Variants in TUT7 observed in about 807,000 individuals in gnomAD.
The protein encoded by TUT7 is terminal uridylyltransferase 7.
A neutral mutation model predicts 165.9 loss-of-function variants in TUT7; 33 were observed. That is an observed-to-expected ratio of 0.20 (90% CI 0.15 to 0.27). The LOEUF (loss-of-function observed/expected upper bound fraction) is 0.27. TUT7 is among the 10% of genes least tolerant of loss of function. The probability of loss-of-function intolerance (pLI) is 1.00; values close to 1 mark genes in which losing one functional copy is unlikely to be tolerated. For synonymous variants in TUT7, 552 were observed against 608.1 expected (o/e 0.91, Z 1.36); for missense variants, 1,338 against 1,762.3 (o/e 0.76, Z 4.31).
At position 86,311,672 on chromosome 9, in the gene TUT7, C is replaced by T. The variant is rs928557236; in HGVS notation, c.3275-863G>A. Among the ~76,000 whole-genome samples the T allele has an allele frequency of 3.0e-5, 3 of 98,694 alleles. No individual in the cohort carries two copies. Among genetic ancestry groups the T allele is most frequent in the South Asian group, 6.8e-4 (2 of 2,924 alleles). 64.7% of individuals were successfully genotyped at this position (98,694 alleles called of 152,430 possible). On this transcript the variant is annotated intron_variant, in intron 17 of 26. Transcript: ENST00000375963. This position sits in a 1 kb window ranked among gnomAD's most constrained non-coding sequence, Gnocchi z 4.4. ...TGCCGGTCTCCCTCTGATGCCGAGC[C>T]GAAGCTGGACTGTACCGCTGCCATC...
At position 86,352,721 on chromosome 9, in the gene TUT7, G is replaced by C. The variant is rs201566816; in HGVS notation, c.479C>G (p.Thr160Arg). ...CATTTCTGACGTGGTTTCTAGGCTT[G>C]TTAGGTCTTTATGAAACAGTCGTCT... is the stretch of plus-strand genomic sequence containing the variant. Reference protein sequence around the residue: ...TVRRLFHKDLTSLETTSEMEA... With the variant: ...TVRRLFHKDLRSLETTSEMEA... The change falls in exon 2 of 27, where the codon ACA (threonine) becomes AGA (arginine). Residue 160 changes from threonine to arginine, a missense_variant. Thr to Arg is a moderately conservative substitution (Grantham distance 71). Transcript: ENST00000375963. 3.7e-6 allele frequency: 6 copies of C among 1,614,174 alleles called. No homozygotes were observed. Among genetic ancestry groups the C allele is most frequent in the Non-Finnish European group, 5.1e-6 (6 of 1,180,030 alleles).
chr9:86,295,227 A>G (rs1262348894), intron 26 of TUT7, among the ~76,000 whole-genome samples: 4 of 152,212 alleles, frequency 2.6e-5, no homozygotes, highest in African/African-American at 4.8e-5. Flanking sequence ...TGCCTGTTAA[A>G]GAAGAGCTGA....
chr9:86,296,625 A>G (rs1587847498), intron 26 of TUT7, among the ~76,000 whole-genome samples: 2 of 152,244 alleles, frequency 1.3e-5, no homozygotes, highest in African/African-American at 4.8e-5. Context: ...TTAGCACCCT[A>G]TGAGATAAAC....
rs148091829 is a variant in TUT7 at position 86,322,467 on chromosome 9, C to A, written c.2886G>T (p.Thr962=). The A allele has an allele frequency of 3.5e-5, 57 of 1,609,440 alleles. No individual in the cohort carries two copies. The African/African-American group carries it at 5.6e-4, about 16-fold the overall frequency. ...KLIFTKGKSP[T]VVCSLCKREG... is the part of the protein sequence containing the mutation. ...CTCGTTTGCATAAGCTGCACACTAC[C>A]GTAGGAGACTGCAGGAATATGGCAA... is the stretch of plus-strand genomic sequence containing the variant. Residue 962 remains threonine, a synonymous_variant, in exon 14 of 27, where the codon ACG becomes ACT. Coordinates refer to ENST00000375963, the MANE Select transcript of TUT7 (RefSeq NM_024617.4).
At position 86,338,964 on chromosome 9, in the gene TUT7, GGGA is replaced by G. The variant is rs754740954; in HGVS notation, c.1209-18_1209-16del. ...ACAGAAGACCACTGGTGAGAGGTGG[GGGA>G]GGAGGATGGGAAAGAAAAAAAGAAA... On this transcript the variant is annotated splice_polypyrimidine_tract_variant and intron_variant, in intron 8 of 26. Coordinates refer to ENST00000375963, the MANE Select transcript of TUT7 (RefSeq NM_024617.4). The G allele has an allele frequency of 8.3e-6, 13 of 1,558,926 alleles. No individual in the cohort carries two copies. The South Asian group carries it at 1.3e-4, about 16-fold the overall frequency.
intron 10 of TUT7, among the ~76,000 whole-genome samples, chr9:86,334,793 T>TAC (rs910286810): frequency 6.6e-6 from 1 of 152,132 alleles, no homozygotes; most frequent in African/African-American, 2.4e-5. Flanking sequence ...CCTCCTCTTG[T>TAC]ACACCTTATC....
At chr9:86,293,123 A>G (rs1826020276) in intron 26 of TUT7, among the ~76,000 whole-genome samples, 1 of 152,226 alleles carries the variant, frequency 6.6e-6, no homozygotes, top group Admixed American at 6.5e-5. Flanking sequence ...TAAAACAAAC[A>G]TTCATCTGTA....
At chr9:86,298,004 A>G (rs1351198220) in intron 26 of TUT7, among the ~76,000 whole-genome samples, 5 of 144,020 alleles carry the variant, frequency 3.5e-5, no homozygotes, top group Non-Finnish European at 7.4e-5. Flanking sequence ...GTGATGCTGC[A>G]GGACAACACC....
In TUT7 at chr9:86,303,215, A is replaced by C. The variant is rs770652005; in HGVS notation, c.3979-14T>G. 1 of 1,450,380 alleles carries C rather than the reference A, an allele frequency of 6.9e-7. No homozygotes were observed. Among genetic ancestry groups the C allele is most frequent in the Admixed American group, 1.9e-5 (1 of 53,700 alleles). The allele number at this position is 1,450,380 out of a possible 1,614,324, so 89.8% of individuals were successfully genotyped here. On this transcript the variant is annotated splice_polypyrimidine_tract_variant and intron_variant, in intron 24 of 26. Transcript: ENST00000375963. ...AAAAAAGTATTCCTAGAAGAACATA[A>C]ATATATAAAAGCCTGAACTATTCAC...
chr9:86,311,180 T>G lies in TUT7; in HGVS notation c.3275-371A>C, dbSNP rs1388829307. ...TGAACTATGTGGTTCCCACCTGTTC[T>G]CTCCATGTGACTATATCTAATTTGG... is the stretch of plus-strand genomic sequence containing the variant. On this transcript the variant is annotated intron_variant, in intron 17 of 26. Coordinates refer to ENST00000375963, the MANE Select transcript of TUT7 (RefSeq NM_024617.4). The surrounding 1 kb of genome is among the most constrained non-coding windows in gnomAD (Gnocchi z 4.4). Among the ~76,000 whole-genome samples, 1 of 152,194 alleles carries G rather than the reference T, an allele frequency of 6.6e-6. No individual in the cohort carries two copies. The highest frequency in any genetic ancestry group is 6.5e-5 in the Admixed American group (1 of 15,286).
chr9:86,304,754 G>C (rs1827295659), intron 24 of TUT7, 102 bp downstream of exon 24: 2 of 735,254 alleles, frequency 2.7e-6, no homozygotes, highest in South Asian at 1.9e-5. Context: ...ACTTTGGCTA[G>C]ACTCACAGAC....
chr9:86,317,436 G>A (rs1475520076), intron 16 of TUT7, among the ~76,000 whole-genome samples, 160 bp from the exon 17 acceptor site: 1 of 152,086 alleles, frequency 6.6e-6, no homozygotes, highest in Non-Finnish European at 1.5e-5. Context: ...GTATTCACAG[G>A]AAATATCCTG....
intron 2 of TUT7, among the ~76,000 whole-genome samples, chr9:86,347,941 G>T: frequency 6.6e-6 from 1 of 151,006 alleles, no homozygotes. Flanking sequence ...CATTTAGTTT[G>T]CTTATCATTA....
chr9:86,322,551 A>C (rs1431868840), intron 13 of TUT7, 76 bp from the exon 14 acceptor site: 11 of 1,516,122 alleles, frequency 7.3e-6, no homozygotes, highest in Non-Finnish European at 9.7e-6. Context: ...TCATGTTTTA[A>C]AAGTACACAG....
chr9:86,316,394 C>G (rs1440728174), intron 17 of TUT7, among the ~76,000 whole-genome samples: 1 of 152,118 alleles, frequency 6.6e-6, no homozygotes, highest in African/African-American at 2.4e-5. Context: ...CCCAGGAGTT[C>G]AGAGACTAGC....
chr9:86,322,557 C>T, intron 13 of TUT7, 82 bp from the exon 14 acceptor site: 2 of 1,488,562 alleles, frequency 1.3e-6, no homozygotes, highest in South Asian at 1.3e-5. Flanking sequence ...TTTAAAAGTA[C>T]ACAGTCACCT....
chr9:86,347,062 C>T (rs1470881200), intron 2 of TUT7, among the ~76,000 whole-genome samples: 1 of 152,050 alleles, frequency 6.6e-6, no homozygotes, highest in East Asian at 1.9e-4. Context: ...ACACCTAAGC[C>T]GGGTCCCTCC....
intron 2 of TUT7, among the ~76,000 whole-genome samples, chr9:86,348,728 G>A (rs1304660993): frequency 1.3e-5 from 2 of 152,034 alleles, no homozygotes; most frequent in African/African-American, 4.8e-5. Context: ...CTCCAGCCTG[G>A]GTGACAGAGT....
At position 86,323,214 on chromosome 9, in the gene TUT7, C is replaced by T. The variant is rs1375359704; in HGVS notation, c.2536G>A (p.Glu846Lys). The change falls in exon 13 of 27, where the codon GAA becomes AAA. Residue 846 changes from glutamate to lysine, a missense_variant. Glu to Lys is a moderately conservative substitution (Grantham distance 56). Transcript: ENST00000375963. ...TCTTCTTCGTCGTCCTCCTCCTCTT[C>T]ATCAGAGGGAATCATTTCTGATGTC... ...GQTSEMIPSD[E>K]EEEDDEEEEE... 6.2e-7 allele frequency: 1 copy of T among 1,614,140 alleles called. No individual in the cohort carries two copies. The highest frequency in any genetic ancestry group is 8.5e-7 in the Non-Finnish European group (1 of 1,180,022).
Sources: gnomAD v4.1 joint callset for allele counts (sites outside exome capture counted in the v4.1 genomes callset) on GRCh38, gnomAD v4.1.1 for gene constraint, Gnocchi (gnomAD v3.1) non-coding constraint, MANE v1.5 for transcripts, NCBI Gene and HGNC (gene_info 2026-07-23, HGNC 2026-07-21) for gene names.